DPP6: variants seen among roughly 807,000 people sequenced by gnomAD.
DPP6 encodes the protein A-type potassium channel modulatory protein DPP6.
Under a neutral mutation model 122.6 loss-of-function variants are expected in DPP6, and 69 were observed. The observed-to-expected ratio is 0.56, with a 90% CI of 0.46 to 0.69. The LOEUF (loss-of-function observed/expected upper bound fraction) is 0.69, where lower values mean the gene tolerates loss of function less well. Among genes scored for constraint, DPP6 ranks in the 30% least tolerant of loss-of-function variants. The pLI, the probability that DPP6 is intolerant of heterozygous loss-of-function variation, is 0.00. For missense variants in DPP6, 928 were observed against 1,116.9 expected (o/e 0.83, Z 2.41); for synonymous variants, 418 against 433.1 (o/e 0.97, Z 0.43).
chr7:154,697,614 G>A (rs1040444081), intron 7 of DPP6, among the ~76,000 whole-genome samples: 3 of 152,238 alleles, frequency 2.0e-5, no homozygotes, highest in Admixed American at 6.5e-5. Flanking sequence ...GAGGAGTGGT[G>A]TTCTGGCACC....
intron 1 of DPP6, among the ~76,000 whole-genome samples, chr7:154,430,758 C>A (rs1818285963): frequency 6.6e-6 from 1 of 152,172 alleles, no homozygotes; most frequent in Non-Finnish European, 1.5e-5. Flanking sequence ...TTTATGTTGT[C>A]TTTAATCCTC....
chr7:154,262,216 G>A (rs1196016212), intron 1 of DPP6, among the ~76,000 whole-genome samples: 1 of 152,186 alleles, frequency 6.6e-6, no homozygotes, highest in Non-Finnish European at 1.5e-5. Flanking sequence ...ATGACTGGGA[G>A]GGCGGAGTGT....
At chr7:154,672,303 T>C (rs1300825648) in intron 7 of DPP6, among the ~76,000 whole-genome samples, 2 of 152,202 alleles carry the variant, frequency 1.3e-5, no homozygotes, top group African/African-American at 4.8e-5. Flanking sequence ...CAAATATTTC[T>C]TCATAGCAGC....
At chr7:154,803,018 C>G (rs969379559) in intron 13 of DPP6, among the ~76,000 whole-genome samples, 2 of 152,022 alleles carry the variant, frequency 1.3e-5, no homozygotes, top group African/African-American at 2.4e-5. Context: ...CCTCGGGGGG[C>G]CCCCAGGGCC....
chr7:154,054,854 T>G (rs895052233), intron 1 of DPP6, among the ~76,000 whole-genome samples: 1 of 150,568 alleles, frequency 6.6e-6, no homozygotes, highest in Non-Finnish European at 1.5e-5. Flanking sequence ...AGGCTCTAGG[T>G]GTCGCTAGGA....
intron 7 of DPP6, among the ~76,000 whole-genome samples, chr7:154,702,403 G>C (rs1299810811): frequency 6.6e-6 from 1 of 152,260 alleles, no homozygotes; most frequent in Non-Finnish European, 1.5e-5. Context: ...TGAAAGCCAG[G>C]CCTCTTGTGC....
At chr7:154,152,530 C>T (rs914207256) in intron 1 of DPP6, among the ~76,000 whole-genome samples, 145 of 152,302 alleles carry the variant, frequency 9.5e-4, no homozygotes, top group Non-Finnish European at 1.4e-3. Flanking sequence ...GAAAATATTT[C>T]TTAGGAGTTT....
chr7:154,727,652 TAATA>T, intron 7 of DPP6, 111 bp from the exon 8 acceptor site: 2 of 1,395,350 alleles, frequency 1.4e-6, no homozygotes, highest in Non-Finnish European at 9.5e-7. Context: ...TTGTTCTGTC[TAATA>T]AATACAACAG....
chr7:154,010,383 T>C (rs1798105701), intron 1 of DPP6, among the ~76,000 whole-genome samples: 1 of 152,180 alleles, frequency 6.6e-6, no homozygotes, highest in Non-Finnish European at 1.5e-5. Flanking sequence ...CAGAAAACTT[T>C]CCACCCCAGA....
chr7:154,061,617 A>AGCG (rs1394853721), intron 1 of DPP6, among the ~76,000 whole-genome samples: 1 of 131,590 alleles, frequency 7.6e-6, no homozygotes, highest in Admixed American at 7.4e-5. Flanking sequence ...CTCCCATCAC[A>AGCG]GGGGGGGGAG....
chr7:154,549,705 CA>C (rs772713450), intron 4 of DPP6, among the ~76,000 whole-genome samples: 1 of 152,132 alleles, frequency 6.6e-6, no homozygotes, highest in Non-Finnish European at 1.5e-5. Context: ...GGCTCATTCC[CA>C]AGAAGTCATG....
chr7:154,649,090 ACTTTTGC>A (rs962823515), intron 6 of DPP6, among the ~76,000 whole-genome samples: 1 of 151,812 alleles, frequency 6.6e-6, no homozygotes, highest in Non-Finnish European at 1.5e-5. Flanking sequence ...TCTATCCCAC[ACTTTTGC>A]CTTTTGCCTT....
intron 1 of DPP6, among the ~76,000 whole-genome samples, chr7:154,163,554 G>C (rs1797085338): frequency 6.6e-6 from 1 of 152,088 alleles, no homozygotes. Flanking sequence ...TAATTTGCAA[G>C]ATGTATACGC....
At chr7:154,887,893 C>T (rs144377141) in intron 23 of DPP6, among the ~76,000 whole-genome samples, 159 bp downstream of exon 23, 1 of 152,278 alleles carries the variant, frequency 6.6e-6, no homozygotes, top group Non-Finnish European at 1.5e-5. Flanking sequence ...AGGATCATTC[C>T]ACCAGAGAGT....
At chr7:154,359,191 C>T (rs1811518215) in intron 1 of DPP6, among the ~76,000 whole-genome samples, 1 of 152,196 alleles carries the variant, frequency 6.6e-6, no homozygotes, top group South Asian at 2.1e-4. Flanking sequence ...CTGGGACAAG[C>T]CCCCTGCGTG....
rs3817522 is a variant in DPP6 at position 154,880,936 on chromosome 7, T to C, written c.2127T>C (p.Phe709=). The C allele has an allele frequency of 0.21, 335,095 of 1,613,582 alleles. 39,659 individuals carry two copies. The highest frequency in any genetic ancestry group is 0.44 in the African/African-American group (32,798 of 74,918). The change falls in exon 21 of 26, where the codon TTT becomes TTC. Residue 709 remains phenylalanine, a synonymous_variant. Coordinates refer to ENST00000377770, the MANE Select transcript of DPP6 (RefSeq NM_130797.4). ...QYIDRTRVAV[F]GKDYGGYLST... ...TTGACAGGACGCGCGTGGCCGTGTT[T>C]GGGAAGGTGAGTCTGCGCCACCCTG...
At chr7:154,090,996 C>T (rs1418495981) in intron 1 of DPP6, among the ~76,000 whole-genome samples, 1 of 151,214 alleles carries the variant, frequency 6.6e-6, no homozygotes, top group East Asian at 1.9e-4. Flanking sequence ...TGGCGGGTGC[C>T]TGTAGTCCCA....
At chr7:154,074,163 A>G (rs1383469985) in intron 1 of DPP6, among the ~76,000 whole-genome samples, 1 of 150,826 alleles carries the variant, frequency 6.6e-6, no homozygotes, top group Non-Finnish European at 1.5e-5. Context: ...ATAGATATGT[A>G]GCTATATATA....
chr7:154,154,151 A>G (rs1796567874), intron 1 of DPP6, among the ~76,000 whole-genome samples: 1 of 152,118 alleles, frequency 6.6e-6, no homozygotes, highest in African/African-American at 2.4e-5. Context: ...GATCCAAGAG[A>G]AGTGTGGTAA....
Sources: gnomAD v4.1 joint callset for allele counts (sites outside exome capture counted in the v4.1 genomes callset) on GRCh38, gnomAD v4.1.1 for gene constraint, MANE v1.5 for transcripts, NCBI Gene and HGNC (gene_info 2026-07-23, HGNC 2026-07-21) for gene names.